The following ABHD5 variants were observed in gnomAD, a reference collection of about 807,000 sequenced individuals.
ABHD5 encodes the protein 1-acylglycerol-3-phosphate O-acyltransferase ABHD5.
In ABHD5, 30 loss-of-function variants were observed where a neutral mutation model predicts 44.9. The observed-to-expected ratio is 0.67, with a 90% CI of 0.50 to 0.91. The LOEUF (loss-of-function observed/expected upper bound fraction) is 0.91. Ranked by LOEUF, ABHD5 falls within the 40% of genes least tolerant of loss-of-function variation. ABHD5 has a pLI of 0.00. For missense variants in ABHD5, 399 were observed against 423.4 expected (o/e 0.94, Z 0.50); for synonymous variants, 167 against 147.0 (o/e 1.14, Z -0.99).
At chr3:43,705,697 T>TA (rs2084609860) in intron 3 of ABHD5, among the ~76,000 whole-genome samples, 1 of 152,230 alleles carries the variant, frequency 6.6e-6, no homozygotes, top group Non-Finnish European at 1.5e-5. Flanking sequence ...CTAGCTTTTT[T>TA]CCTTCATTGC....
At chr3:43,703,363 G>C (rs2084569457) in intron 3 of ABHD5, among the ~76,000 whole-genome samples, 1 of 152,006 alleles carries the variant, frequency 6.6e-6, no homozygotes, top group Non-Finnish European at 1.5e-5. Context: ...AGTTTTAGTA[G>C]AGATGGGGTT....
chr3:43,693,922 T>A (rs1169396423), intron 1 of ABHD5, among the ~76,000 whole-genome samples: 1 of 152,066 alleles, frequency 6.6e-6, no homozygotes, highest in Admixed American at 6.6e-5. Context: ...ATGTTTCTAA[T>A]TGTCAGATGT....
downstream of ABHD5, among the ~76,000 whole-genome samples, chr3:43,727,595 T>C (rs1326114246): frequency 1.3e-5 from 2 of 152,094 alleles, no homozygotes; most frequent in Non-Finnish European, 2.9e-5. Context: ...GTATTTGTAC[T>C]ACTGTTTTTT....
chr3:43,717,791 C>T lies in ABHD5; in HGVS notation c.894C>T (p.Ser298=), dbSNP rs777783278. Residue 298 remains serine (S), a synonymous_variant, in exon 6 of 7, where the codon TCC becomes TCT. Coordinates refer to ENST00000644371, the MANE Select transcript of ABHD5 (RefSeq NM_016006.6). The stretch of plus-strand genomic sequence containing the variant: ...TTTCAGTGATCTTTGGCGCCCGATC[C>T]TGCATAGATGGCAATTCTGGCACCA... ...IPVSVIFGAR[S]CIDGNSGTSI... The T allele has an allele frequency of 3.7e-6, 6 of 1,614,100 alleles. No individual in the cohort carries two copies. Among genetic ancestry groups the T allele is most frequent in the Admixed American group, 1.7e-5 (1 of 60,014 alleles).
chr3:43,718,486 AAG>A lies in ABHD5; in HGVS notation c.1006_1007del (p.Glu336IlefsTer20), dbSNP rs773746183. On this transcript the variant is annotated frameshift_variant, in exon 7 of 7. Transcript: ENST00000644371. LOFTEE classifies it high-confidence loss of function. Reference sequence around the variant, plus strand: ...CATTATGTATATGCAGATCAACCAGAAGAATTCAACCAGAAAGTAAAGGAGAT... The same window carrying A: ...CATTATGTATATGCAGATCAACCAGAAATTCAACCAGAAAGTAAAGGAGAT... 1.8e-5 allele frequency: 29 copies of A among 1,614,048 alleles called. No individual in the cohort carries two copies. Among genetic ancestry groups the A allele is most frequent in the Non-Finnish European group, 2.4e-5 (28 of 1,180,010 alleles).
At chr3:43,727,541 A>G (rs1395667132), downstream of ABHD5, among the ~76,000 whole-genome samples, 1 of 152,182 alleles carries the variant, frequency 6.6e-6, no homozygotes, top group Non-Finnish European at 1.5e-5. Flanking sequence ...ACTTTACTCT[A>G]GAAGTGTAAA....
At position 43,720,759 on chromosome 3, in the gene ABHD5, A is replaced by G. The variant is rs1423529246; in HGVS notation, c.*2227A>G. ...ACCAGTCTCTGTATAATAGTTAACT[A>G]CAGGACTGTGGATCCAGCAAATGTT... On this transcript the variant is annotated 3_prime_UTR_variant, in exon 7 of 7. Coordinates refer to ENST00000644371, the MANE Select transcript of ABHD5 (RefSeq NM_016006.6). 6.6e-6 allele frequency: 1 copy of G among 152,206 alleles called. No individual in the cohort carries two copies. The highest frequency in any genetic ancestry group is 1.5e-5 in the Non-Finnish European group (1 of 68,042). 9.4% of individuals were successfully genotyped at this position (152,206 alleles called of 1,614,324 possible). A position where few individuals can be genotyped will look rare whatever the true frequency, so the allele number is the denominator to read the frequency against.
chr3:43,700,740 A>ATTTTTTTTTTTTTTTTTTTTTTTTTTTTT (rs1361660825), intron 2 of ABHD5, among the ~76,000 whole-genome samples: 12 of 151,244 alleles, frequency 7.9e-5, no homozygotes, highest in South Asian at 2.1e-4. Context: ...TACCCAGCTA[A>ATTTTTTTTTTTTTTTTTTTTTTTTTTTTT]TTTTTGTATT....
chr3:43,733,721 A>G (rs116734894), intron 7 of ABHD5, among the ~76,000 whole-genome samples: 46 of 152,336 alleles, frequency 3.0e-4, no homozygotes, highest in Admixed American at 5.9e-4. Context: ...TCAAGGAGAA[A>G]AACGTATTTG....
At chr3:43,714,731 TCTTTA>T (rs1404384150) in intron 4 of ABHD5, among the ~76,000 whole-genome samples, 2 of 152,164 alleles carry the variant, frequency 1.3e-5, no homozygotes, top group African/African-American at 4.8e-5. Context: ...AATACAATAC[TCTTTA>T]CTTCTTATAT....
At chr3:43,694,362 TC>T (rs1313257733) in intron 1 of ABHD5, among the ~76,000 whole-genome samples, 1 of 152,158 alleles carries the variant, frequency 6.6e-6, no homozygotes, top group East Asian at 1.9e-4. Context: ...ATCTCATGGT[TC>T]TGTAATTCCC....
At chr3:43,723,200 A>T (rs560549604), downstream of ABHD5, among the ~76,000 whole-genome samples, 2 of 152,346 alleles carry the variant, frequency 1.3e-5, no homozygotes, top group Admixed American at 6.5e-5. Context: ...ATGCTATTTT[A>T]AAAACTCATT....
At chr3:43,715,955 T>G (rs1274253397) in intron 5 of ABHD5, among the ~76,000 whole-genome samples, 3 of 152,134 alleles carry the variant, frequency 2.0e-5, no homozygotes, top group Non-Finnish European at 4.4e-5. Context: ...GCATTAGAAA[T>G]GCAGCTGCAG....
At chr3:43,695,284 T>C (rs879270675) in intron 1 of ABHD5, 1 of 152,242 alleles carries the variant, frequency 6.6e-6, no homozygotes, top group Admixed American at 6.5e-5. Flanking sequence ...GTTGAGGAAG[T>C]ATCTCAGATA....
At chr3:43,723,343 A>G (rs1185216711), downstream of ABHD5, among the ~76,000 whole-genome samples, 1 of 152,210 alleles carries the variant, frequency 6.6e-6, no homozygotes, top group Non-Finnish European at 1.5e-5. Flanking sequence ...TGTAAGAATC[A>G]TAGGTAAATA....
chr3:43,730,603 T>C (rs1346069868), intron 7 of ABHD5, among the ~76,000 whole-genome samples: 1 of 144,570 alleles, frequency 6.9e-6, no homozygotes, highest in Non-Finnish European at 1.5e-5. Flanking sequence ...ACTCCTAGGC[T>C]CATCATGCAG....
chr3:43,706,844 A>G (rs2084626269), intron 3 of ABHD5, among the ~76,000 whole-genome samples: 1 of 151,944 alleles, frequency 6.6e-6, no homozygotes, highest in African/African-American at 2.4e-5. Context: ...TTTCCGTTTT[A>G]TGCATGGAGG....
At chr3:43,717,964 A>G in intron 6 of ABHD5, 107 bp downstream of exon 6, 2 of 1,435,636 alleles carry the variant, frequency 1.4e-6, no homozygotes, top group Non-Finnish European at 2.0e-6. Flanking sequence ...CATCTGAGCC[A>G]TACCTGCAGC....
chr3:43,702,535 C>A lies in ABHD5; in HGVS notation c.454C>A (p.His152Asn). The A allele has an allele frequency of 6.2e-7, 1 of 1,614,206 alleles. No homozygotes were observed. The highest frequency in any genetic ancestry group is 8.5e-7 in the Non-Finnish European group (1 of 1,180,034). ...LGLDKMILLGHNLGGFLAAAY... is the reference protein window; with the variant it reads ...LGLDKMILLGNNLGGFLAAAY... Reference sequence around the variant, plus strand: ...ATTGGACAAAATGATCTTGCTTGGGCACAACCTAGGTGGATTCTTGGCTGC... The same window carrying A: ...ATTGGACAAAATGATCTTGCTTGGGAACAACCTAGGTGGATTCTTGGCTGC... The change falls in exon 3 of 7, where the codon CAC becomes AAC. Residue 152 changes from histidine to asparagine, a missense_variant. Coordinates refer to ENST00000644371, the MANE Select transcript of ABHD5 (RefSeq NM_016006.6).
Sources: allele counts gnomAD v4.1 joint callset (sites outside exome capture counted in the v4.1 genomes callset), GRCh38; gene constraint gnomAD v4.1.1; transcripts MANE v1.5; gene names NCBI Gene and HGNC (gene_info 2026-07-23, HGNC 2026-07-21).